DCC: variants seen among roughly 807,000 people sequenced by gnomAD.
DCC encodes DCC netrin 1 receptor, also known as netrin receptor DCC.
DCC carries 58 observed loss-of-function variants against 172.5 expected under a neutral mutation model. The observed-to-expected ratio is 0.34, with a 90% CI of 0.27 to 0.42. The LOEUF (loss-of-function observed/expected upper bound fraction) is 0.42. DCC is among the 10% of genes least tolerant of loss of function. The pLI is 1.00. For missense variants in DCC, 1,740 were observed against 1,791.0 expected (o/e 0.97, Z 0.51); for synonymous variants, 709 against 644.5 (o/e 1.10, Z -1.52).
At chr18:52,828,072 A>G (rs939799875) in intron 2 of DCC, among the ~76,000 whole-genome samples, 1 of 152,114 alleles carries the variant, frequency 6.6e-6, no homozygotes, top group African/African-American at 2.4e-5. Context: ...GATCTTGTAT[A>G]AACGGTTCAA....
At chr18:53,083,121 C>T (rs1312023273) in intron 7 of DCC, among the ~76,000 whole-genome samples, 1 of 152,046 alleles carries the variant, frequency 6.6e-6, no homozygotes, top group East Asian at 1.9e-4. Flanking sequence ...ATCTATTATT[C>T]TCTGCTATCT....
intron 1 of DCC, among the ~76,000 whole-genome samples, chr18:52,396,993 A>T (rs181125696): frequency 2.0e-5 from 3 of 152,202 alleles, no homozygotes; most frequent in Non-Finnish European, 2.9e-5. Flanking sequence ...GAATATATTA[A>T]TAAATGTTTC....
intron 13 of DCC, among the ~76,000 whole-genome samples, chr18:53,306,325 C>T (rs1227392169): frequency 6.6e-6 from 1 of 152,118 alleles, no homozygotes; most frequent in Admixed American, 6.5e-5. Flanking sequence ...CTTTAATTCA[C>T]AACAGCTCAG....
At chr18:53,463,160 T>C (rs1008676492) in intron 24 of DCC, among the ~76,000 whole-genome samples, 3 of 152,222 alleles carry the variant, frequency 2.0e-5, no homozygotes, top group Admixed American at 6.5e-5. Flanking sequence ...CTGAAAGGGA[T>C]AGAATTGCCT....
intron 5 of DCC, among the ~76,000 whole-genome samples, chr18:53,028,742 C>T (rs2041989432): frequency 6.6e-6 from 1 of 152,100 alleles, no homozygotes; most frequent in Non-Finnish European, 1.5e-5. Flanking sequence ...CTTTTTATGA[C>T]ATGCAAATAT....
chr18:52,868,759 G>GA lies in DCC; in HGVS notation c.413-37283dup, dbSNP rs970269307. The stretch of plus-strand genomic sequence containing the variant: ...ACTGCTCAGCTCACACTACTGGCCT[G>GA]AACCCCCTGCCTCCAAGGGAGACTG... On this transcript the variant is annotated intron_variant, in intron 2 of 28. Transcript: ENST00000442544. Among the ~76,000 whole-genome samples, 6 of 152,324 alleles carry GA rather than the reference G, an allele frequency of 3.9e-5. No individual in the cohort carries two copies. The East Asian group carries it at 1.2e-3, about 29-fold the overall frequency.
intron 5 of DCC, among the ~76,000 whole-genome samples, chr18:53,017,720 CTAATA>C (rs754590345): frequency 6.6e-6 from 1 of 152,118 alleles, no homozygotes; most frequent in Admixed American, 6.6e-5. Context: ...AAAATAAAAT[CTAATA>C]TAATAGTCTC....
intron 1 of DCC, among the ~76,000 whole-genome samples, chr18:52,734,516 A>G (rs1275411999): frequency 6.6e-6 from 1 of 152,158 alleles, no homozygotes. Flanking sequence ...CTGACTCTAT[A>G]TATAGGAGAT....
intron 1 of DCC, among the ~76,000 whole-genome samples, chr18:52,681,094 T>C (rs2035742694): frequency 6.6e-6 from 1 of 152,050 alleles, no homozygotes; most frequent in Non-Finnish European, 1.5e-5. Context: ...ATTTATACTA[T>C]CACATTTTAA....
intron 14 of DCC, among the ~76,000 whole-genome samples, chr18:53,334,917 G>C (rs766262282): frequency 7.2e-5 from 11 of 152,128 alleles, no homozygotes; most frequent in Non-Finnish European, 1.3e-4. Context: ...ATATTTGTTT[G>C]AGTCCCTGCT....
At chr18:53,413,292 C>T (rs1910099945) in intron 20 of DCC, among the ~76,000 whole-genome samples, 1 of 152,166 alleles carries the variant, frequency 6.6e-6, no homozygotes, top group Non-Finnish European at 1.5e-5. Context: ...TGCCTCTCCC[C>T]TATCCAAGAA....
rs2034474125 is a variant in DCC at position 52,621,284 on chromosome 18, C to T, written c.92-130770C>T. Among the ~76,000 whole-genome samples, 3 of 152,222 alleles carry T rather than the reference C, an allele frequency of 2.0e-5. No individual in the cohort carries two copies. In the South Asian group the frequency reaches 6.2e-4, roughly 32 times the overall value. Reference sequence around the variant, plus strand: ...TAGAAATAGATATTGCCACACCATACTGTGAGCTGCTTAACACACACAGCT... The same window carrying T: ...TAGAAATAGATATTGCCACACCATATTGTGAGCTGCTTAACACACACAGCT... On this transcript the variant is annotated intron_variant, in intron 1 of 28. Transcript: ENST00000442544.
intron 12 of DCC, among the ~76,000 whole-genome samples, chr18:53,265,892 G>A (rs964748089): frequency 2.6e-5 from 4 of 152,110 alleles, no homozygotes; most frequent in Admixed American, 1.3e-4. Flanking sequence ...CAAGGTTCCC[G>A]TTTTAAATGG....
chr18:53,020,063 G>A (rs2041858289), intron 5 of DCC, among the ~76,000 whole-genome samples: 1 of 152,106 alleles, frequency 6.6e-6, no homozygotes, highest in Non-Finnish European at 1.5e-5. Flanking sequence ...CTTTGAAGGA[G>A]CATGCTTAGT....
intron 26 of DCC, among the ~76,000 whole-genome samples, chr18:53,497,763 T>A (rs949267423): frequency 6.6e-6 from 1 of 152,222 alleles, no homozygotes; most frequent in Admixed American, 6.5e-5. Context: ...GGATTTGCCT[T>A]AATGGTTTAC....
chr18:52,376,991 C>T (rs1181856714), intron 1 of DCC, among the ~76,000 whole-genome samples: 1 of 152,182 alleles, frequency 6.6e-6, no homozygotes, highest in Non-Finnish European at 1.5e-5. Flanking sequence ...TGATGCCTAT[C>T]ACCCGTTGTT....
intron 13 of DCC, among the ~76,000 whole-genome samples, chr18:53,319,870 T>C (rs2879514): frequency 2.0e-5 from 3 of 151,538 alleles, no homozygotes; most frequent in African/African-American, 7.3e-5. Context: ...TATGGACTTA[T>C]TCCCATCGAC....
intron 5 of DCC, among the ~76,000 whole-genome samples, chr18:52,996,772 CTTTTTTTTT>C (rs66600556): frequency 6.0e-5 from 7 of 117,144 alleles, no homozygotes; most frequent in South Asian, 2.8e-4. Flanking sequence ...TCACCTTTTT[CTTTTTTTTT>C]TTTTTTTTTT....
Position 52,367,172 on chromosome 18 carries a change from C to T in DCC, c.91+26294C>T, listed in dbSNP as rs1201427687. Among the ~76,000 whole-genome samples the T allele has an allele frequency of 1.3e-5, 2 of 152,188 alleles. 1 individual carries two copies. Among genetic ancestry groups the T allele is most frequent in the Non-Finnish European group, 2.9e-5 (2 of 68,024 alleles). On this transcript the variant is annotated intron_variant, in intron 1 of 28. Coordinates refer to ENST00000442544, the MANE Select transcript of DCC (RefSeq NM_005215.4). ...GTGCTAAGCCCCTCATTGCCCGGGG[C>T]CAGCAGGGCTGGCCGACTGCTCTGA...
Sources: allele counts gnomAD v4.1 joint callset (sites outside exome capture counted in the v4.1 genomes callset), GRCh38; gene constraint gnomAD v4.1.1; transcripts MANE v1.5; gene names NCBI Gene and HGNC (gene_info 2026-07-23, HGNC 2026-07-21).